The following FNDC1 variants were observed in gnomAD, a reference collection of about 807,000 sequenced individuals.
The protein encoded by FNDC1 is fibronectin type III domain containing 1.
In FNDC1, 96 loss-of-function variants were observed where a neutral mutation model predicts 168.0. The observed-to-expected ratio is 0.57, with a 90% CI of 0.48 to 0.68. The LOEUF (loss-of-function observed/expected upper bound fraction) is 0.68. Among genes scored for constraint, FNDC1 ranks in the 30% least tolerant of loss-of-function variants. The pLI, the probability that FNDC1 is intolerant of heterozygous loss-of-function variation, is 0.00. For missense variants in FNDC1, 2,587 were observed against 2,482.1 expected, an observed-to-expected ratio of 1.04 and a Z score of -0.90; for synonymous variants, 1,099 against 1,025.9, an observed-to-expected ratio of 1.07 and a Z score of -1.36.
chr6:159,231,909 C>T lies in FNDC1; in HGVS notation c.1397C>T (p.Thr466Met), dbSNP rs201468245. 4.3e-6 allele frequency: 7 copies of T among 1,610,802 alleles called. No homozygotes were observed. Among genetic ancestry groups the T allele is most frequent in the South Asian group, 2.2e-5 (2 of 90,332 alleles). ...AGTAAGGCGGATGTTGAGCAGAACA[C>T]GGAGGACAATGGGAAACCCGAAAAA... Reference protein sequence around the residue: ...TTSKADVEQNTEDNGKPEKPE... With the variant: ...TTSKADVEQNMEDNGKPEKPE... The change falls in exon 11 of 23, where the codon ACG (threonine) becomes ATG (methionine). Residue 466 changes from threonine to methionine, a missense_variant. By Grantham distance (81) the Thr-to-Met change is moderately conservative. Coordinates refer to ENST00000297267, the MANE Select transcript of FNDC1 (RefSeq NM_032532.3).
At chr6:159,262,205 A>G (rs1777501175) in intron 19 of FNDC1, among the ~76,000 whole-genome samples, 1 of 152,198 alleles carries the variant, frequency 6.6e-6, no homozygotes, top group Non-Finnish European at 1.5e-5. Context: ...GTAGGAAGCC[A>G]GGCTGAGTTC....
intron 1 of FNDC1, among the ~76,000 whole-genome samples, chr6:159,196,853 A>T (rs1441224189): frequency 6.6e-6 from 1 of 152,262 alleles, no homozygotes; most frequent in African/African-American, 2.4e-5. Context: ...CTTCTGGAAC[A>T]CAATATGGAA....
intron 14 of FNDC1, 44 bp from the exon 15 acceptor site, chr6:159,246,857 A>C: frequency 7.1e-7 from 1 of 1,402,240 alleles, no homozygotes; most frequent in Non-Finnish European, 1.0e-6. Context: ...AGAACCCTGG[A>C]GAAGGAGCGC....
chr6:159,232,447 G>A lies in FNDC1; in HGVS notation c.1935G>A (p.Val645=), dbSNP rs765828221. The A allele has an allele frequency of 1.9e-6, 3 of 1,611,922 alleles. No homozygotes were observed. Among genetic ancestry groups the A allele is most frequent in the Middle Eastern group, 1.7e-4 (1 of 6,054 alleles). The change falls in exon 11 of 23, where the codon GTG becomes GTA. Residue 645 remains valine, a synonymous_variant. Transcript: ENST00000297267. This position sits in a 1 kb window ranked among gnomAD's most constrained non-coding sequence, Gnocchi z 4.9. ...LPASLNDNDL[V]DSDEDERAVG... is the part of the protein sequence containing the mutation. ...CCAGCTTGAATGACAACGACTTGGT[G>A]GACTCAGACGAAGATGAGCGCGCTG...
intron 22 of FNDC1, among the ~76,000 whole-genome samples, chr6:159,269,799 G>C (rs1044777789): frequency 6.6e-6 from 1 of 152,112 alleles, no homozygotes; most frequent in Non-Finnish European, 1.5e-5. Context: ...CTCTGGTTAG[G>C]GGAACCTCAG....
intron 4 of FNDC1, among the ~76,000 whole-genome samples, chr6:159,209,791 CT>C (rs1436739736): frequency 1.3e-5 from 2 of 152,144 alleles, no homozygotes; most frequent in Admixed American, 1.3e-4. Context: ...CTTTCTTTTT[CT>C]TTCTCTTTTT....
At position 159,234,182 on chromosome 6, in the gene FNDC1, A is replaced by C. The variant is rs1382560736; in HGVS notation, c.3670A>C (p.Arg1224=). The C allele has an allele frequency of 1.9e-6, 3 of 1,599,792 alleles. No homozygotes were observed. Among genetic ancestry groups the C allele is most frequent in the Non-Finnish European group, 2.6e-6 (3 of 1,173,362 alleles). The change falls in exon 11 of 23, where the codon AGG becomes CGG. Residue 1224 remains arginine, a synonymous_variant. Coordinates refer to ENST00000297267, the MANE Select transcript of FNDC1 (RefSeq NM_032532.3). ...DADGSLAKEE[R]EPAIALAPRG... ...CGATGGGAGCCTCGCCAAGGAAGAG[A>C]GGGAGCCTGCCATCGCGCTTGCCCC...
At chr6:159,244,678 T>C (rs1783501979) in intron 14 of FNDC1, among the ~76,000 whole-genome samples, 1 of 152,256 alleles carries the variant, frequency 6.6e-6, no homozygotes, top group Non-Finnish European at 1.5e-5. Context: ...TAATAGAGCA[T>C]CTTCATATTT....
At chr6:159,255,686 C>T (rs1443221118) in intron 17 of FNDC1, among the ~76,000 whole-genome samples, 2 of 152,162 alleles carry the variant, frequency 1.3e-5, no homozygotes, top group Non-Finnish European at 2.9e-5. Flanking sequence ...AAGGCAATAC[C>T]TACATACTAG....
chr6:159,259,532 A>G (rs1222194947), intron 18 of FNDC1, among the ~76,000 whole-genome samples: 1 of 152,114 alleles, frequency 6.6e-6, no homozygotes, highest in Non-Finnish European at 1.5e-5. Flanking sequence ...GACGTTGACT[A>G]CTCAGCAGAA....
intron 17 of FNDC1, among the ~76,000 whole-genome samples, chr6:159,252,681 G>A (rs927386147): frequency 6.6e-6 from 1 of 152,156 alleles, no homozygotes; most frequent in Non-Finnish European, 1.5e-5. Context: ...ATGGAAGGAG[G>A]CAAGCTTGTA....
intron 9 of FNDC1, among the ~76,000 whole-genome samples, chr6:159,228,908 T>G (rs903908465): frequency 1.3e-5 from 2 of 152,128 alleles, no homozygotes; most frequent in African/African-American, 2.4e-5. Context: ...ACTTCTGACC[T>G]CAAGTCATCT....
intron 4 of FNDC1, among the ~76,000 whole-genome samples, chr6:159,208,898 A>G (rs1243510465): frequency 1.5e-5 from 2 of 134,114 alleles, no homozygotes; most frequent in Admixed American, 8.3e-5. Flanking sequence ...CCCAGGCTGG[A>G]GTGCAGTGGT....
intron 12 of FNDC1, among the ~76,000 whole-genome samples, chr6:159,238,337 G>A (rs1050779694): frequency 3.3e-5 from 5 of 151,742 alleles, no homozygotes; most frequent in Non-Finnish European, 1.5e-5. Context: ...TGCCCGCTTC[G>A]GCCTCCCAAA....
chr6:159,193,348 C>T (rs897835034), intron 1 of FNDC1, among the ~76,000 whole-genome samples: 2 of 152,162 alleles, frequency 1.3e-5, no homozygotes, highest in Non-Finnish European at 2.9e-5. Flanking sequence ...CCATAGATGT[C>T]ACTTGCTGGA....
Position 159,246,941 on chromosome 6 carries a change from G to A in FNDC1, c.4662G>A (p.Thr1554=), listed in dbSNP as rs371911903. The A allele has an allele frequency of 5.0e-6, 8 of 1,612,770 alleles. No individual in the cohort carries two copies. Among genetic ancestry groups the A allele is most frequent in the East Asian group, 4.5e-5 (2 of 44,866 alleles). Residue 1554 remains threonine, a synonymous_variant, in exon 15 of 23, where the codon ACG becomes ACA. Transcript: ENST00000297267. ...SGLETDTAVP[T]EEAYVIYDED... ...TGGAGACTGACACTGCAGTACCTACGGAAGAGGCCTACGTTATATATGATG... is the reference window on the plus strand; with the variant it reads ...TGGAGACTGACACTGCAGTACCTACAGAAGAGGCCTACGTTATATATGATG...
At chr6:159,257,817 A>G (rs1185724125) in intron 18 of FNDC1, among the ~76,000 whole-genome samples, 1 of 152,134 alleles carries the variant, frequency 6.6e-6, no homozygotes, top group Admixed American at 6.5e-5. Context: ...CTTTTTTAAA[A>G]CTTTTTCCCT....
intron 18 of FNDC1, among the ~76,000 whole-genome samples, chr6:159,259,470 G>A (rs561756859): frequency 4.7e-4 from 71 of 152,204 alleles, no homozygotes; most frequent in African/African-American, 1.4e-3. Context: ...TTCTCAGCCC[G>A]TCAGTCACCC....
At chr6:159,261,100 G>C in intron 18 of FNDC1, 90 bp from the exon 19 acceptor site, 1 of 917,812 alleles carries the variant, frequency 1.1e-6, no homozygotes, top group Non-Finnish European at 1.7e-6. Context: ...AGCCTGTCAC[G>C]GTTCAGGTGT....
Sources: allele counts gnomAD v4.1 joint callset (sites outside exome capture counted in the v4.1 genomes callset), GRCh38; gene constraint gnomAD v4.1.1; non-coding constraint Gnocchi (gnomAD v3.1); transcripts MANE v1.5; gene names NCBI Gene and HGNC (gene_info 2026-07-23, HGNC 2026-07-21).